The following TBCK variants were observed in gnomAD, a reference collection of about 807,000 sequenced individuals.
The protein encoded by TBCK is TBC domain-containing protein kinase-like protein.
TBCK carries 99 observed loss-of-function variants against 113.4 expected under a neutral mutation model. That is an observed-to-expected ratio of 0.87 (90% CI 0.74 to 1.03). The LOEUF is 1.03. Ranked by LOEUF, TBCK falls within the 50% of genes least tolerant of loss-of-function variation. The pLI, the probability that TBCK is intolerant of heterozygous loss-of-function variation, is 0.00. For missense variants in TBCK, 1,045 were observed against 1,061.3 expected, an observed-to-expected ratio of 0.98 and a Z score of 0.21; for synonymous variants, 369 against 370.8, an observed-to-expected ratio of 1.00 and a Z score of 0.05.
chr4:106,110,530 C>A (rs766031660), intron 24 of TBCK, among the ~76,000 whole-genome samples: 4 of 152,098 alleles, frequency 2.6e-5, no homozygotes, highest in Admixed American at 1.3e-4. Context: ...GGTAGCAGAG[C>A]CTTGGTTTCG....
chr4:106,250,833 C>A (rs112456264), intron 6 of TBCK, among the ~76,000 whole-genome samples: 33 of 151,942 alleles, frequency 2.2e-4, no homozygotes, highest in Admixed American at 3.9e-4. Context: ...CTGGGTAAGA[C>A]TGATTATACT....
intron 23 of TBCK, among the ~76,000 whole-genome samples, 159 bp from the exon 24 acceptor site, chr4:106,116,537 C>A (rs952866425): frequency 1.3e-5 from 2 of 152,102 alleles, no homozygotes; most frequent in Non-Finnish European, 2.9e-5. Context: ...GGTCTCCAAC[C>A]CCCAGGCCAT....
chr4:106,133,609 A>G (rs1228026231), intron 23 of TBCK, among the ~76,000 whole-genome samples: 1 of 152,256 alleles, frequency 6.6e-6, no homozygotes, highest in Non-Finnish European at 1.5e-5. Flanking sequence ...TTCATTGGTA[A>G]GGCCTACTCT....
intron 4 of TBCK, 74 bp from the exon 5 acceptor site, chr4:106,260,584 T>TG: frequency 2.1e-6 from 1 of 479,658 alleles, no homozygotes; most frequent in Non-Finnish European, 3.5e-6. Context: ...TATTATAAAA[T>TG]TATCATTATA....
rs929416405 is a variant in TBCK at position 106,041,627 on chromosome 4, C to T, written c.*4943G>A. The stretch of plus-strand genomic sequence containing the variant: ...TTTAGAACTGTTTATTAGAACAGAT[C>T]AGTATTATTAGAATAGAACAGTATT... On this transcript the variant is annotated 3_prime_UTR_variant, in exon 26 of 26. Transcript: ENST00000394708. The T allele has an allele frequency of 6.6e-6, 1 of 152,026 alleles. No homozygotes were observed. Among genetic ancestry groups the T allele is most frequent in the Non-Finnish European group, 1.5e-5 (1 of 68,002 alleles). The allele number at this position is 152,026 out of a possible 1,614,324, so 9.4% of individuals were successfully genotyped here.
intron 1 of TBCK, chr4:106,310,722 C>G (rs1163103714): frequency 6.6e-6 from 1 of 152,096 alleles, no homozygotes; most frequent in South Asian, 2.1e-4. Flanking sequence ...TCCCAGGAAG[C>G]CTTAGCTCTT....
intron 23 of TBCK, among the ~76,000 whole-genome samples, chr4:106,154,961 T>TG (rs201828451): frequency 0.027 from 4,092 of 152,196 alleles, 175 homozygotes; most frequent in African/African-American, 0.094. Context: ...GAGTTTTTTT[T>TG]TTTAACCCTC....
At chr4:106,244,122 T>C (rs1760485552) in intron 11 of TBCK, among the ~76,000 whole-genome samples, 1 of 152,200 alleles carries the variant, frequency 6.6e-6, no homozygotes, top group South Asian at 2.1e-4. Flanking sequence ...GTCTAATTTC[T>C]AGCATGATAT....
At chr4:106,176,596 G>C (rs1751696156) in intron 22 of TBCK, among the ~76,000 whole-genome samples, 1 of 151,978 alleles carries the variant, frequency 6.6e-6, no homozygotes, top group African/African-American at 2.4e-5. Context: ...AGACACTTAA[G>C]TTGATTCTGT....
intron 19 of TBCK, among the ~76,000 whole-genome samples, chr4:106,224,485 A>G (rs1365317141): frequency 6.6e-6 from 1 of 152,152 alleles, no homozygotes; most frequent in Non-Finnish European, 1.5e-5. Flanking sequence ...GAAAGTGTAC[A>G]TGTGATATTT....
intron 20 of TBCK, among the ~76,000 whole-genome samples, chr4:106,209,112 CCT>C (rs1051555296): frequency 2.3e-4 from 35 of 152,190 alleles, no homozygotes; most frequent in Non-Finnish European, 1.2e-4. Flanking sequence ...CTGAAAAAAT[CCT>C]CTGTCACTAT....
intron 3 of TBCK, among the ~76,000 whole-genome samples, chr4:106,272,384 T>A (rs1367158030): frequency 6.6e-6 from 1 of 152,126 alleles, no homozygotes; most frequent in Non-Finnish European, 1.5e-5. Flanking sequence ...AATAAGTTCA[T>A]AGAAAGAACT....
At chr4:106,155,131 T>C (rs1748972240) in intron 23 of TBCK, among the ~76,000 whole-genome samples, 1 of 150,600 alleles carries the variant, frequency 6.6e-6, no homozygotes, top group Non-Finnish European at 1.5e-5. Flanking sequence ...GAGGATACAC[T>C]ATTCTAGGGT....
intron 3 of TBCK, among the ~76,000 whole-genome samples, chr4:106,267,235 A>G (rs1190669572): frequency 1.3e-5 from 2 of 152,016 alleles, no homozygotes; most frequent in Non-Finnish European, 1.5e-5. Context: ...GAACATAAGA[A>G]TCCCTAGTGA....
chr4:106,292,540 A>C (rs1237193872), intron 3 of TBCK, among the ~76,000 whole-genome samples: 4 of 151,296 alleles, frequency 2.6e-5, no homozygotes, highest in Non-Finnish European at 1.5e-5. Flanking sequence ...ACTGCACTCC[A>C]GCCTGGGCGA....
At chr4:106,114,558 TC>T (rs1743259731) in intron 24 of TBCK, among the ~76,000 whole-genome samples, 1 of 152,192 alleles carries the variant, frequency 6.6e-6, no homozygotes, top group African/African-American at 2.4e-5. Context: ...AGCACCCTGC[TC>T]GGGGTCTATA....
At chr4:106,213,266 A>T (rs923515962) in intron 19 of TBCK, 2 of 158,796 alleles carry the variant, frequency 1.3e-5, no homozygotes, top group Non-Finnish European at 2.8e-5. Context: ...TACAGATAAA[A>T]CATATGCCTC....
At chr4:106,121,052 A>G (rs564163197) in intron 23 of TBCK, among the ~76,000 whole-genome samples, 1 of 152,146 alleles carries the variant, frequency 6.6e-6, no homozygotes, top group Non-Finnish European at 1.5e-5. Context: ...AAAGGCAAAG[A>G]AGTTGAAAAC....
At chr4:106,308,587 G>C (rs1449014328) in intron 2 of TBCK, among the ~76,000 whole-genome samples, 181 bp downstream of exon 2, 1 of 152,158 alleles carries the variant, frequency 6.6e-6, no homozygotes, top group Non-Finnish European at 1.5e-5. Context: ...TTACCTGGTA[G>C]ATTTGCAAGT....
Sources: allele counts gnomAD v4.1 joint callset (sites outside exome capture counted in the v4.1 genomes callset), GRCh38; gene constraint gnomAD v4.1.1; transcripts MANE v1.5; gene names NCBI Gene and HGNC (gene_info 2026-07-23, HGNC 2026-07-21).